Variants in CTNND2 observed in about 807,000 individuals in gnomAD.
The protein encoded by CTNND2 is catenin delta-2.
A neutral mutation model predicts 144.4 loss-of-function variants in CTNND2; 22 were observed. The ratio of observed to expected loss-of-function variants is 0.15; its 90% confidence interval spans 0.11 to 0.22. CTNND2 has a LOEUF of 0.22. Among genes scored for constraint, CTNND2 ranks in the 10% least tolerant of loss-of-function variants. The pLI is 1.00. For synonymous variants in CTNND2, 751 were observed against 695.6 expected (o/e 1.08, Z -1.25); for missense variants, 1,353 against 1,618.8 (o/e 0.84, Z 2.82).
At chr5:11,803,591 G>A (rs116160629) in intron 1 of CTNND2, among the ~76,000 whole-genome samples, 2,203 of 152,232 alleles carry the variant, frequency 0.014, 55 homozygotes, top group African/African-American at 0.047. Context: ...TAAGGCTACC[G>A]AAATATTAAG....
intron 1 of CTNND2, among the ~76,000 whole-genome samples, chr5:11,871,235 T>C (rs1319237968): frequency 6.6e-6 from 1 of 152,204 alleles, no homozygotes; most frequent in Admixed American, 6.5e-5. Flanking sequence ...TAACTTGTTC[T>C]AGCAGGCACA....
intron 16 of CTNND2, among the ~76,000 whole-genome samples, chr5:11,038,722 T>C (rs1407770587): frequency 6.6e-6 from 1 of 152,160 alleles, no homozygotes; most frequent in Non-Finnish European, 1.5e-5. Context: ...GCCACAGATA[T>C]AAAAGTGACC....
At chr5:11,173,689 C>G (rs1208481430) in intron 11 of CTNND2, among the ~76,000 whole-genome samples, 3 of 152,084 alleles carry the variant, frequency 2.0e-5, no homozygotes, top group Non-Finnish European at 4.4e-5. Context: ...TAACAAAGTA[C>G]AAGATAAATT....
intron 1 of CTNND2, among the ~76,000 whole-genome samples, chr5:11,810,423 C>G (rs1323860628): frequency 6.6e-6 from 1 of 152,064 alleles, no homozygotes; most frequent in Non-Finnish European, 1.5e-5. Context: ...TCTTGAAAAG[C>G]AATTTGATAA....
chr5:11,672,813 G>C (rs61646886), intron 2 of CTNND2, among the ~76,000 whole-genome samples: 1 of 152,050 alleles, frequency 6.6e-6, no homozygotes, highest in South Asian at 2.1e-4. Context: ...AGAGTGTTCC[G>C]TTCCTCCCAG....
chr5:11,313,565 G>A (rs1405475548), intron 9 of CTNND2, among the ~76,000 whole-genome samples: 1 of 152,122 alleles, frequency 6.6e-6, no homozygotes, highest in Non-Finnish European at 1.5e-5. Flanking sequence ...TGACCTGGCA[G>A]GATGGGTCTT....
At chr5:11,411,491 T>C (rs764890336) in intron 5 of CTNND2, 45 bp downstream of exon 5, 9 of 907,320 alleles carry the variant, frequency 9.9e-6, no homozygotes, top group Non-Finnish European at 1.6e-5. Context: ...GACATAATAC[T>C]CCTATATTTC....
chr5:11,279,985 A>AG (rs1746955044), intron 9 of CTNND2, among the ~76,000 whole-genome samples: 1 of 152,178 alleles, frequency 6.6e-6, no homozygotes, highest in Non-Finnish European at 1.5e-5. Context: ...TCTCTAATAC[A>AG]GGGGATTACA....
chr5:11,004,373 G>A (rs1447713230), intron 18 of CTNND2, among the ~76,000 whole-genome samples: 1 of 152,208 alleles, frequency 6.6e-6, no homozygotes, highest in Non-Finnish European at 1.5e-5. Flanking sequence ...CATTTGAACA[G>A]TCAGCTATTT....
chr5:11,034,004 A>C (rs901873324), intron 16 of CTNND2, among the ~76,000 whole-genome samples: 8 of 152,222 alleles, frequency 5.3e-5, no homozygotes, highest in African/African-American at 1.9e-4. Context: ...AATAGTACTA[A>C]GACACTTCAG....
intron 3 of CTNND2, among the ~76,000 whole-genome samples, chr5:11,523,760 C>T (rs563354521): frequency 1.8e-4 from 28 of 152,274 alleles, no homozygotes; most frequent in African/African-American, 6.5e-4. Flanking sequence ...GCCTCCTCTT[C>T]CCTTATCGAA....
chr5:11,000,575 A>C (rs1739846460), intron 18 of CTNND2, among the ~76,000 whole-genome samples: 1 of 152,236 alleles, frequency 6.6e-6, no homozygotes, highest in Admixed American at 6.5e-5. Context: ...GGAGTTTGTT[A>C]GCTTTGTATG....
At chr5:11,784,479 C>T (rs1348907659) in intron 1 of CTNND2, among the ~76,000 whole-genome samples, 1 of 152,170 alleles carries the variant, frequency 6.6e-6, no homozygotes, top group Non-Finnish European at 1.5e-5. Flanking sequence ...ATTATCCTCT[C>T]ATCCACAGAT....
In CTNND2 at chr5:11,555,201, G is replaced by A. The variant is rs143097145; in HGVS notation, c.287+9743C>T. Among the ~76,000 whole-genome samples the A allele has an allele frequency of 2.3e-3, 355 of 152,142 alleles. 5 individuals are homozygous for A. The highest frequency in any genetic ancestry group is 7.8e-3 in the African/African-American group (324 of 41,518). ...GGTTTCGCATATGCTTGTCATCCCC[G>A]TCCTGGAGAAATTACTTATAGACTA... On this transcript the variant is annotated intron_variant, in intron 3 of 21. Transcript: ENST00000304623.
chr5:11,684,848 A>C (rs10077157), intron 2 of CTNND2, among the ~76,000 whole-genome samples: 19,735 of 152,172 alleles, frequency 0.13, 1,376 homozygotes, highest in African/African-American at 0.18. Flanking sequence ...TAAAACAGGA[A>C]GCTTTTCTCT....
intron 1 of CTNND2, among the ~76,000 whole-genome samples, chr5:11,783,474 G>A (rs1161852731): frequency 6.6e-6 from 1 of 152,148 alleles, no homozygotes; most frequent in African/African-American, 2.4e-5. Context: ...GTCTAGCCAT[G>A]TATGTGCTTC....
chr5:11,602,750 A>G (rs546551995), intron 2 of CTNND2, among the ~76,000 whole-genome samples: 2 of 145,264 alleles, frequency 1.4e-5, no homozygotes, highest in African/African-American at 5.1e-5. Context: ...TATTATATAT[A>G]ATAGATATAT....
At chr5:11,648,611 T>C (rs1782483098) in intron 2 of CTNND2, among the ~76,000 whole-genome samples, 1 of 152,186 alleles carries the variant, frequency 6.6e-6, no homozygotes, top group Non-Finnish European at 1.5e-5. Context: ...AAAGTTACAT[T>C]TTTTTCCAAT....
At chr5:11,885,177 T>C (rs184939615) in intron 1 of CTNND2, among the ~76,000 whole-genome samples, 2 of 152,290 alleles carry the variant, frequency 1.3e-5, no homozygotes, top group East Asian at 1.9e-4. Flanking sequence ...GCTGACTTCA[T>C]AGAATGAGAT....
Sources: allele counts gnomAD v4.1 joint callset (sites outside exome capture counted in the v4.1 genomes callset), GRCh38; gene constraint gnomAD v4.1.1; transcripts MANE v1.5; gene names NCBI Gene and HGNC (gene_info 2026-07-23, HGNC 2026-07-21).